The following TEKT1 variants were observed in gnomAD, a reference collection of about 807,000 sequenced individuals.
The protein encoded by TEKT1 is tektin-1.
In TEKT1, 32 loss-of-function variants were observed where a neutral mutation model predicts 34.8. The observed-to-expected ratio is 0.92, with a 90% CI of 0.69 to 1.23. The LOEUF (loss-of-function observed/expected upper bound fraction) is 1.23. Among genes scored for constraint, TEKT1 ranks in the 50% most tolerant of loss-of-function variants. The pLI is 0.00. For synonymous variants in TEKT1, 207 were observed against 199.8 expected (o/e 1.04, Z -0.30); for missense variants, 492 against 518.5 (o/e 0.95, Z 0.50).
In TEKT1 at chr17:6,815,290, T is replaced by C; in HGVS notation, c.502A>G (p.Lys168Glu). 6.2e-7 allele frequency: 1 copy of C among 1,614,246 alleles called. No individual in the cohort carries two copies. Among genetic ancestry groups the C allele is most frequent in the Non-Finnish European group, 8.5e-7 (1 of 1,180,040 alleles). The change falls in exon 5 of 8, where the codon AAG becomes GAG. Residue 168 changes from lysine (K) to glutamate (E), a missense_variant. By Grantham distance (56) the Lys-to-Glu change is moderately conservative. Transcript: ENST00000338694. The stretch of plus-strand genomic sequence containing the variant: ...TTCAAATCCTTCTCAAGATTGTACT[T>C]GGCAGAGCGGTTCATCCTGAAGGGA... ...SEQIRMNRSAKYNLEKDLKDK... is the reference protein window; with the variant it reads ...SEQIRMNRSAEYNLEKDLKDK...
chr17:6,817,143 A>C (rs2151588089), intron 3 of TEKT1, among the ~76,000 whole-genome samples: 1 of 152,324 alleles, frequency 6.6e-6, no homozygotes, highest in African/African-American at 2.4e-5. Flanking sequence ...TGGGAGGCTG[A>C]GGCAGGTGGA....
chr17:6,830,350 G>C lies in TEKT1; in HGVS notation c.27C>G (p.Pro9=). 5.6e-6 allele frequency: 9 copies of C among 1,595,846 alleles called. No homozygotes were observed. Among genetic ancestry groups the C allele is most frequent in the Non-Finnish European group, 7.7e-6 (9 of 1,175,872 alleles). ...TGTGCCACTCTGAGGGCAGGAACTT[G>C]GGTGGAGGTTGTAATAGTTTAGCCA... The part of the protein sequence containing the change: MAKLLQPP[P]KFLPSEWHIA... Residue 9 remains proline, a synonymous_variant, in exon 2 of 8, where the codon CCC becomes CCG. Coordinates refer to ENST00000338694, the MANE Select transcript of TEKT1 (RefSeq NM_053285.2).
At chr17:6,813,551 GACACACACACAC>G (rs34316443) in intron 5 of TEKT1, among the ~76,000 whole-genome samples, 20 of 135,190 alleles carry the variant, frequency 1.5e-4, no homozygotes, top group East Asian at 6.6e-4. Flanking sequence ...GAAGAAACCA[GACACACACACAC>G]ACACACACAC....
intron 6 of TEKT1, among the ~76,000 whole-genome samples, chr17:6,806,133 T>C (rs1249879323): frequency 2.0e-5 from 3 of 152,190 alleles, no homozygotes; most frequent in African/African-American, 7.2e-5. Flanking sequence ...AGGACTTGCT[T>C]TATGAATCTG....
At chr17:6,804,072 T>G (rs900322967) in intron 6 of TEKT1, among the ~76,000 whole-genome samples, 1 of 152,246 alleles carries the variant, frequency 6.6e-6, no homozygotes, top group African/African-American at 2.4e-5. Flanking sequence ...TTTCATAATA[T>G]TGATTCTTCC....
At chr17:6,812,628 C>T (rs1976943960) in intron 6 of TEKT1, among the ~76,000 whole-genome samples, 1 of 152,202 alleles carries the variant, frequency 6.6e-6, no homozygotes, top group Non-Finnish European at 1.5e-5. Flanking sequence ...AATGGAGGCC[C>T]AGAGTGGGGC....
At chr17:6,819,125 C>A in intron 3 of TEKT1, 68 bp downstream of exon 3, 2 of 1,549,744 alleles carry the variant, frequency 1.3e-6, no homozygotes, top group South Asian at 2.5e-5. Context: ...TCGCACACAG[C>A]CGGCATTTAC....
Position 6,806,166 on chromosome 17 carries a change from A to G in TEKT1, c.853-5223T>C, listed in dbSNP as rs149505455. ...CTGGGTGCTCCTGTATTGACTGCATATATATTTAGGATAGTTAGCTCTTCT... is the reference window on the plus strand; with the variant it reads ...CTGGGTGCTCCTGTATTGACTGCATGTATATTTAGGATAGTTAGCTCTTCT... On this transcript the variant is annotated intron_variant, in intron 6 of 7. Transcript: ENST00000338694. Among the ~76,000 whole-genome samples the G allele has an allele frequency of 4.1e-3, 630 of 152,192 alleles. 19 individuals are homozygous for G. The East Asian group carries it at 0.07, about 17-fold the overall frequency.
chr17:6,810,154 T>A (rs1021158925), intron 6 of TEKT1, among the ~76,000 whole-genome samples: 1 of 152,148 alleles, frequency 6.6e-6, no homozygotes, highest in Non-Finnish European at 1.5e-5. Context: ...CATTTGGGGG[T>A]GTCAGTGCTT....
intron 3 of TEKT1, among the ~76,000 whole-genome samples, chr17:6,817,891 T>C (rs934011768): frequency 6.6e-6 from 1 of 152,212 alleles, no homozygotes; most frequent in Admixed American, 6.5e-5. Flanking sequence ...ACGTTATCAT[T>C]ATCCTCAGGC....
chr17:6,803,854 T>C (rs1976810636), intron 6 of TEKT1, among the ~76,000 whole-genome samples: 1 of 152,212 alleles, frequency 6.6e-6, no homozygotes. Flanking sequence ...GCTGTTTTGG[T>C]TACTGGAGCC....
chr17:6,830,769 G>A (rs78672472), intron 1 of TEKT1, among the ~76,000 whole-genome samples: 2,053 of 152,070 alleles, frequency 0.014, 32 homozygotes, highest in African/African-American at 0.043. Flanking sequence ...CAGTTTGTTC[G>A]TTCTCGTTGC....
intron 2 of TEKT1, among the ~76,000 whole-genome samples, chr17:6,827,374 A>G (rs9912388): frequency 0.61 from 91,796 of 150,242 alleles, 29,678 homozygotes; most frequent in African/African-American, 0.85. Context: ...CGATTCTCCT[A>G]CCTCAGCCTC....
At chr17:6,817,559 C>T (rs1977023293) in intron 3 of TEKT1, among the ~76,000 whole-genome samples, 1 of 152,106 alleles carries the variant, frequency 6.6e-6, no homozygotes, top group Admixed American at 6.5e-5. Context: ...TTCAGAGAGA[C>T]TAAGTGATCT....
At chr17:6,804,014 G>A (rs1327012795) in intron 6 of TEKT1, among the ~76,000 whole-genome samples, 2 of 152,198 alleles carry the variant, frequency 1.3e-5, no homozygotes, top group African/African-American at 4.8e-5. Context: ...TTGGTAGCTT[G>A]ATGGGGATGG....
chr17:6,819,234 C>T lies in TEKT1; in HGVS notation c.315G>A (p.Leu105=). Residue 105 remains leucine (L), a synonymous_variant, in exon 3 of 8, where the codon TTG becomes TTA. Transcript: ENST00000338694. ...TCTCAGTGATGTGCAAGGGCTCTTT[C>T]AAGGTCTCCAGGGCTTTTTCCAATC... ...KIRLEKALET[L]KEPLHITETC... The T allele has an allele frequency of 6.2e-7, 1 of 1,614,062 alleles. No individual in the cohort carries two copies. The highest frequency in any genetic ancestry group is 1.6e-4 in the Middle Eastern group (1 of 6,062).
intron 3 of TEKT1, among the ~76,000 whole-genome samples, chr17:6,818,479 T>C (rs1977038930): frequency 6.6e-6 from 1 of 152,182 alleles, no homozygotes; most frequent in Non-Finnish European, 1.5e-5. Flanking sequence ...TAGTGCTGTC[T>C]GGATTACAAA....
chr17:6,817,465 C>T (rs28372201), intron 3 of TEKT1, among the ~76,000 whole-genome samples: 19,416 of 151,998 alleles, frequency 0.13, 1,429 homozygotes, highest in Middle Eastern at 0.22. Flanking sequence ...TGAGCACTTA[C>T]TCCATGACAG....
Position 6,819,286 on chromosome 17 carries a change from G to A in TEKT1, c.263C>T (p.Thr88Ile). The change falls in exon 3 of 8, where the codon ACT (threonine) becomes ATT (isoleucine). Residue 88 changes from threonine to isoleucine, a missense_variant. By Grantham distance (89) the Thr-to-Ile change is moderately conservative. Coordinates refer to ENST00000338694, the MANE Select transcript of TEKT1 (RefSeq NM_053285.2). ...GATCTTATATATGAGTAGATCATCA[G>A]TTACATTCACAAGCTGCTCAAGTTT... ...DDKLEQLVNVTDDLLIYKIRL... is the reference protein window; with the variant it reads ...DDKLEQLVNVIDDLLIYKIRL... 2 of 1,614,050 alleles carry A rather than the reference G, an allele frequency of 1.2e-6. No individual in the cohort carries two copies. Among genetic ancestry groups the A allele is most frequent in the Non-Finnish European group, 1.7e-6 (2 of 1,179,980 alleles).
Sources: gnomAD v4.1 joint callset for allele counts (sites outside exome capture counted in the v4.1 genomes callset) on GRCh38, gnomAD v4.1.1 for gene constraint, MANE v1.5 for transcripts, NCBI Gene and HGNC (gene_info 2026-07-23, HGNC 2026-07-21) for gene names.